CSMD1: variants seen among roughly 807,000 people sequenced by gnomAD.
The protein encoded by CSMD1 is CUB and Sushi multiple domains 1.
In CSMD1, 213 loss-of-function variants were observed where a neutral mutation model predicts 417.5. The ratio of observed to expected loss-of-function variants is 0.51; its 90% CI spans 0.46 to 0.57. The LOEUF (loss-of-function observed/expected upper bound fraction) is 0.57. CSMD1 is among the 20% of genes least tolerant of loss of function. CSMD1 has a pLI of 0.00. For synonymous variants in CSMD1, 2,862 were observed against 1,736.8 expected, an observed-to-expected ratio of 1.65 and a Z score of -16.11; for missense variants, 6,923 against 4,529.7, an observed-to-expected ratio of 1.53 and a Z score of -15.17.
chr8:3,476,621 A>T (rs10097268), intron 11 of CSMD1, among the ~76,000 whole-genome samples: 91,747 of 151,754 alleles, frequency 0.6, 28,479 homozygotes, highest in Middle Eastern at 0.73. Context: ...AATTACAAGG[A>T]TAAATAATGA....
At chr8:3,468,043 G>T (rs1816879102) in intron 12 of CSMD1, among the ~76,000 whole-genome samples, 1 of 152,142 alleles carries the variant, frequency 6.6e-6, no homozygotes, top group Non-Finnish European at 1.5e-5. Flanking sequence ...GAACCAATAA[G>T]ATATTTTAAA....
chr8:3,528,651 C>A (rs1270107306), intron 10 of CSMD1, among the ~76,000 whole-genome samples: 2 of 152,092 alleles, frequency 1.3e-5, no homozygotes, highest in African/African-American at 2.4e-5. Flanking sequence ...TCTTGAAATT[C>A]TTCTTGATTT....
At chr8:4,784,004 T>C (rs755668951) in intron 1 of CSMD1, among the ~76,000 whole-genome samples, 1 of 152,164 alleles carries the variant, frequency 6.6e-6, no homozygotes, top group East Asian at 1.9e-4. Flanking sequence ...ATCAGTACGA[T>C]TAGTGAAAAT....
intron 52 of CSMD1, among the ~76,000 whole-genome samples, chr8:3,017,377 T>C (rs943998835): frequency 6.6e-6 from 1 of 152,324 alleles, no homozygotes; most frequent in South Asian, 2.1e-4. Flanking sequence ...TGAAGAAGCA[T>C]ACATAGTCCA....
intron 25 of CSMD1, among the ~76,000 whole-genome samples, chr8:3,293,212 C>CT (rs1224787557): frequency 9.9e-5 from 15 of 152,236 alleles, no homozygotes; most frequent in African/African-American, 3.4e-4. Context: ...GTCTGATGGG[C>CT]TTCCTTTTGT....
At chr8:3,704,482 G>A (rs779316154) in intron 7 of CSMD1, among the ~76,000 whole-genome samples, 1 of 152,148 alleles carries the variant, frequency 6.6e-6, no homozygotes, top group African/African-American at 2.4e-5. Flanking sequence ...CATAAATAAG[G>A]GGTAGTTATG....
At chr8:3,571,116 C>A (rs1799924856) in intron 10 of CSMD1, among the ~76,000 whole-genome samples, 1 of 152,174 alleles carries the variant, frequency 6.6e-6, no homozygotes, top group African/African-American at 2.4e-5. Flanking sequence ...GGTGGAAGAT[C>A]ATTCTCACGA....
intron 7 of CSMD1, among the ~76,000 whole-genome samples, chr8:3,674,118 A>G (rs1016344453): frequency 6.7e-6 from 1 of 148,920 alleles, no homozygotes; most frequent in Non-Finnish European, 1.5e-5. Flanking sequence ...AAGACAAAAA[A>G]AATCTCCCTA....
intron 1 of CSMD1, among the ~76,000 whole-genome samples, chr8:4,766,419 C>T (rs1055957600): frequency 1.3e-5 from 2 of 152,192 alleles, no homozygotes; most frequent in African/African-American, 4.8e-5. Flanking sequence ...AGACAGAGTT[C>T]TCCTTCGATC....
chr8:4,235,826 C>T (rs1035181142), intron 3 of CSMD1, among the ~76,000 whole-genome samples: 1 of 152,218 alleles, frequency 6.6e-6, no homozygotes, highest in South Asian at 2.1e-4. Flanking sequence ...TGAGAACACT[C>T]AGAGGAGAGG....
intron 26 of CSMD1, among the ~76,000 whole-genome samples, chr8:3,266,451 C>T (rs1048754163): frequency 6.6e-6 from 1 of 151,310 alleles, no homozygotes; most frequent in South Asian, 2.1e-4. Context: ...ATGAAAAATA[C>T]AAAAATTAGC....
chr8:4,179,081 A>C (rs886616856), intron 3 of CSMD1, among the ~76,000 whole-genome samples: 1 of 152,150 alleles, frequency 6.6e-6, no homozygotes, highest in Non-Finnish European at 1.5e-5. Flanking sequence ...AAACTACTTT[A>C]AAGTTCATAT....
At chr8:3,593,396 C>G (rs529802465) in intron 8 of CSMD1, among the ~76,000 whole-genome samples, 4 of 152,300 alleles carry the variant, frequency 2.6e-5, no homozygotes, top group East Asian at 1.9e-4. Flanking sequence ...AGCCCATGAG[C>G]CTCCCCCAGG....
rs1168686209 is a variant in CSMD1, at chr8:3,502,018, T to C, written c.1345-8292A>G. ...CACTTTGGAAGATACTTTGGAAGCT[T>C]CTTACATAACCAACTATATGCTTAT... On this transcript the variant is annotated intron_variant, in intron 10 of 69. Coordinates refer to ENST00000635120, the MANE Select transcript of CSMD1 (RefSeq NM_033225.6). Among the ~76,000 whole-genome samples the C allele has an allele frequency of 3.3e-5, 5 of 152,272 alleles. No homozygotes were observed. In the East Asian group the frequency reaches 9.7e-4, roughly 29 times the overall value.
intron 6 of CSMD1, among the ~76,000 whole-genome samples, chr8:3,736,620 G>A (rs548741423): frequency 6.6e-6 from 1 of 152,182 alleles, no homozygotes; most frequent in African/African-American, 2.4e-5. Context: ...GGCAATGGCA[G>A]AGTGAATCTT....
At chr8:4,633,750 G>A (rs571046763) in intron 2 of CSMD1, among the ~76,000 whole-genome samples, 1 of 151,878 alleles carries the variant, frequency 6.6e-6, no homozygotes, top group Non-Finnish European at 1.5e-5. Context: ...AGTGGAGACG[G>A]GGTTTCATCA....
intron 40 of CSMD1, among the ~76,000 whole-genome samples, chr8:3,150,026 A>C (rs1452693513): frequency 6.6e-6 from 1 of 152,156 alleles, no homozygotes; most frequent in Non-Finnish European, 1.5e-5. Flanking sequence ...TTAGTTCAAT[A>C]AGTTCATGTC....
intron 1 of CSMD1, among the ~76,000 whole-genome samples, chr8:4,930,088 C>T (rs985212002): frequency 6.6e-6 from 1 of 152,144 alleles, no homozygotes; most frequent in African/African-American, 2.4e-5. Context: ...GCTTGTTTCT[C>T]GCCCTAGCTC....
At chr8:2,944,972 TAAG>T (rs754974309) in intron 68 of CSMD1, among the ~76,000 whole-genome samples, 3 of 152,176 alleles carry the variant, frequency 2.0e-5, no homozygotes, top group Non-Finnish European at 2.9e-5. Context: ...GAACAACACG[TAAG>T]AAGGTGTTTG....
Sources: allele counts gnomAD v4.1 joint callset (sites outside exome capture counted in the v4.1 genomes callset), GRCh38; gene constraint gnomAD v4.1.1; transcripts MANE v1.5; gene names NCBI Gene and HGNC (gene_info 2026-07-23, HGNC 2026-07-21).